BET1: variants seen among roughly 807,000 people sequenced by gnomAD.
The protein encoded by BET1 is BET1 homolog.
BET1 carries 9 observed loss-of-function variants against 13.9 expected under a neutral mutation model. The observed-to-expected ratio is 0.65, with a 90% confidence interval of 0.39 to 1.13. BET1 has a LOEUF of 1.13. Ranked by LOEUF, BET1 falls within the 50% of genes most tolerant of loss-of-function variation. The probability of loss-of-function intolerance (pLI) is 0.01; values close to 1 mark genes in which losing one functional copy is unlikely to be tolerated. For synonymous variants in BET1, 39 were observed against 47.3 expected, an observed-to-expected ratio of 0.82 and a Z score of 0.72; for missense variants, 127 against 133.6, an observed-to-expected ratio of 0.95 and a Z score of 0.24.
At chr7:94,001,348 A>G (rs1795899829) in intron 1 of BET1, among the ~76,000 whole-genome samples, 1 of 152,240 alleles carries the variant, frequency 6.6e-6, no homozygotes, top group Admixed American at 6.5e-5. Context: ...TTGAATGTGC[A>G]TACCTTTGTC....
At chr7:94,003,612 G>A (rs1416007269) in intron 1 of BET1, among the ~76,000 whole-genome samples, 1 of 152,140 alleles carries the variant, frequency 6.6e-6, no homozygotes, top group Non-Finnish European at 1.5e-5. Context: ...AAGATCAAAT[G>A]TTAAGTCGCC....
chr7:93,963,390 G>T (rs945688239), exon 7 of BET1: 1 of 151,820 alleles, frequency 6.6e-6, no homozygotes, highest in African/African-American at 2.4e-5. Context: ...AAAATTTAAA[G>T]AGCAAGTCAG....
intron 3 of BET1, among the ~76,000 whole-genome samples, chr7:93,995,569 T>C (rs1795748184): frequency 6.6e-6 from 1 of 152,170 alleles, no homozygotes. Context: ...CCTCACGAAA[T>C]TCTAAATCAG....
At position 93,977,439 on chromosome 7, in the gene BET1, C is replaced by T. The variant is rs141675223; in HGVS notation, c.236-1339G>A. Among the ~76,000 whole-genome samples, 591 of 152,018 alleles carry T rather than the reference C, an allele frequency of 3.9e-3. 2 individuals carry two copies. The highest frequency in any genetic ancestry group is 5.4e-3 in the Non-Finnish European group (365 of 67,950). ...AACCCCAAACAGATGGTACAGATTACGGGTAGTAGCTCTGTATAAGTGAAA... is the reference window on the plus strand; with the variant it reads ...AACCCCAAACAGATGGTACAGATTATGGGTAGTAGCTCTGTATAAGTGAAA... On this transcript the variant is annotated intron_variant and NMD_transcript_variant, in intron 4 of 6. Transcript: ENST00000357520.
At position 93,993,259 on chromosome 7, in the gene BET1, A is replaced by G. The variant is rs1196106284; in HGVS notation, c.*971T>C. 1 of 949,968 alleles carries G rather than the reference A, an allele frequency of 1.1e-6. No individual in the cohort carries two copies. Among genetic ancestry groups the G allele is most frequent in the African/African-American group, 1.8e-5 (1 of 56,400 alleles). 58.8% of individuals were successfully genotyped at this position (949,968 alleles called of 1,614,324 possible). Reference sequence around the variant, plus strand: ...TAAAGAAGTAACACAGTCGACTAATATATTTTATTTAAAAATTTACTTTTG... The same window carrying G: ...TAAAGAAGTAACACAGTCGACTAATGTATTTTATTTAAAAATTTACTTTTG... On this transcript the variant is annotated 3_prime_UTR_variant, in exon 4 of 4. Transcript: ENST00000222547.
rs547182382 is a variant in BET1, at chr7:93,998,101, C to G, written c.144+1069G>C. 5.9e-5 allele frequency among the ~76,000 whole-genome samples: 9 copies of G among 152,192 alleles called. No individual in the cohort carries two copies. In the South Asian group the frequency reaches 1.7e-3, roughly 28 times the overall value. On this transcript the variant is annotated intron_variant, in intron 2 of 3. Transcript: ENST00000222547. ...GTGTGATATGGGGGTGGGAAAGTGA[C>G]AGCATACAGAGGACACAAAGTGTAA...
intron 4 of BET1, among the ~76,000 whole-genome samples, chr7:93,984,620 T>C (rs1371858267): frequency 6.6e-6 from 1 of 152,134 alleles, no homozygotes; most frequent in African/African-American, 2.4e-5. Flanking sequence ...CAGCACTGAT[T>C]AGCTTATCAT....
intron 4 of BET1, among the ~76,000 whole-genome samples, chr7:93,986,042 C>T (rs763637948): frequency 1.3e-5 from 2 of 152,254 alleles, no homozygotes; most frequent in East Asian, 1.9e-4. Context: ...TTTCTGTTAT[C>T]GTCTCAGCTA....
chr7:93,992,061 A>G, downstream of BET1: 4 of 985,422 alleles, frequency 4.1e-6, no homozygotes, highest in Non-Finnish European at 4.8e-6. Context: ...TGCTGGCAGA[A>G]GGATCCCTGG....
chr7:93,993,865 G>A lies in BET1; in HGVS notation c.*365C>T, dbSNP rs1347830300. The A allele has an allele frequency of 5.9e-6, 9 of 1,535,312 alleles. No homozygotes were observed. Among genetic ancestry groups the A allele is most frequent in the African/African-American group, 5.5e-5 (4 of 72,974 alleles). Reference sequence around the variant, plus strand: ...AAGAGCTCAGAGTCAGGCTCTCCAGGCATTCTGTTACTCTCCCACTAAGTT... The same window carrying A: ...AAGAGCTCAGAGTCAGGCTCTCCAGACATTCTGTTACTCTCCCACTAAGTT... On this transcript the variant is annotated 3_prime_UTR_variant, in exon 4 of 4. Transcript: ENST00000222547.
chr7:93,985,971 G>A (rs976268608), intron 4 of BET1, among the ~76,000 whole-genome samples: 8 of 152,180 alleles, frequency 5.3e-5, no homozygotes, highest in African/African-American at 1.9e-4. Flanking sequence ...CTGTGATACT[G>A]AGATTTAAAT....
rs1163531781 is a variant in BET1 at position 93,972,222 on chromosome 7, C to T, written c.*137+353G>A. On this transcript the variant is annotated intron_variant and NMD_transcript_variant, in intron 6 of 6. Coordinates refer to the BET1 transcript ENST00000357520. ...TTGCTTCTCCTGTGTAACAATGTCA[C>T]AACACTGTAAGTTCAATAACATTGC... Among the ~76,000 whole-genome samples, 7 of 151,826 alleles carry T rather than the reference C, an allele frequency of 4.6e-5. No homozygotes were observed. In the South Asian group the frequency reaches 1.5e-3, roughly 31 times the overall value.
chr7:94,003,692 G>A (rs1020339523), intron 1 of BET1, among the ~76,000 whole-genome samples: 2 of 152,120 alleles, frequency 1.3e-5, no homozygotes, highest in Non-Finnish European at 2.9e-5. Context: ...CTTTGACCCA[G>A]AAGTTCCAGT....
At chr7:93,979,267 A>G (rs74835082) in intron 4 of BET1, among the ~76,000 whole-genome samples, 1,759 of 152,286 alleles carry the variant, frequency 0.012, 18 homozygotes, top group Middle Eastern at 0.02. Flanking sequence ...GTACATAAAA[A>G]TAACCAATGT....
At chr7:93,973,625 A>G (rs2116040914) in intron 5 of BET1, among the ~76,000 whole-genome samples, 1 of 152,138 alleles carries the variant, frequency 6.6e-6, no homozygotes, top group East Asian at 1.9e-4. Flanking sequence ...ACTACTGATC[A>G]TGGGGCGAGA....
chr7:93,993,114 G>C, downstream of BET1: 3 of 981,566 alleles, frequency 3.1e-6, no homozygotes, highest in Non-Finnish European at 3.6e-6. Context: ...ATAGAGTCAA[G>C]ATTTGCTTAT....
At chr7:93,986,286 A>G (rs1795526777) in intron 4 of BET1, among the ~76,000 whole-genome samples, 1 of 152,176 alleles carries the variant, frequency 6.6e-6, no homozygotes, top group Non-Finnish European at 1.5e-5. Context: ...AATAGACTGG[A>G]AAGTTTTAGC....
chr7:94,002,655 C>T (rs1252599160), intron 1 of BET1, among the ~76,000 whole-genome samples: 1 of 152,154 alleles, frequency 6.6e-6, no homozygotes, highest in Non-Finnish European at 1.5e-5. Flanking sequence ...ACATGGCACA[C>T]TGCAGCAGGA....
intron 2 of BET1, 148 bp from the exon 3 acceptor site, chr7:93,996,469 A>T (rs1795774218): frequency 1.9e-6 from 1 of 533,640 alleles, no homozygotes. Context: ...TACTTTTTCT[A>T]CCAAGATCAA....
Sources: gnomAD v4.1 joint callset for allele counts (sites outside exome capture counted in the v4.1 genomes callset) on GRCh38, gnomAD v4.1.1 for gene constraint, MANE v1.5 for transcripts, NCBI Gene and HGNC (gene_info 2026-07-23, HGNC 2026-07-21) for gene names.